OSBPL1A: variants seen among roughly 807,000 people sequenced by gnomAD.
OSBPL1A encodes the protein oxysterol-binding protein-related protein 1.
Under a neutral mutation model 137.1 loss-of-function variants are expected in OSBPL1A, and 80 were observed. The observed-to-expected ratio is 0.58, with a 90% CI of 0.49 to 0.70. OSBPL1A has a LOEUF of 0.70. OSBPL1A is among the 30% of genes least tolerant of loss of function. The pLI, the probability that OSBPL1A is intolerant of heterozygous loss-of-function variation, is 0.00. For missense variants in OSBPL1A, 970 were observed against 1,129.4 expected, an observed-to-expected ratio of 0.86 and a Z score of 2.02; for synonymous variants, 365 against 389.7, an observed-to-expected ratio of 0.94 and a Z score of 0.75.
intron 14 of OSBPL1A, among the ~76,000 whole-genome samples, chr18:24,284,536 TG>T (rs1203597230): frequency 6.6e-6 from 1 of 152,196 alleles, no homozygotes; most frequent in Non-Finnish European, 1.5e-5. Flanking sequence ...AATTTTTAAT[TG>T]GGTAAGTTTT....
chr18:24,397,569 A>T (rs1907846363), intron 1 of OSBPL1A, 86 bp downstream of exon 1: 1 of 152,238 alleles, frequency 6.6e-6, no homozygotes, highest in Non-Finnish European at 1.5e-5. Context: ...AGGCGCGGAC[A>T]GACCTCCCGA....
intron 17 of OSBPL1A, among the ~76,000 whole-genome samples, chr18:24,198,646 C>T (rs138873979): frequency 1.1e-4 from 16 of 152,070 alleles, no homozygotes; most frequent in East Asian, 7.7e-4. Flanking sequence ...AGAGAAACAC[C>T]GGCCCACGAG....
At chr18:24,328,859 TTA>T (rs1282306445) in intron 7 of OSBPL1A, among the ~76,000 whole-genome samples, 5 of 152,184 alleles carry the variant, frequency 3.3e-5, no homozygotes, top group African/African-American at 1.2e-4. Context: ...TGTTTACCGA[TTA>T]TATGTTGAAA....
intron 17 of OSBPL1A, among the ~76,000 whole-genome samples, chr18:24,203,603 T>C (rs1010076918): frequency 3.3e-5 from 5 of 152,112 alleles, no homozygotes; most frequent in Non-Finnish European, 7.4e-5. Flanking sequence ...ATGTAGTCTT[T>C]CCCCGCTTTG....
At chr18:24,225,860 T>A (rs1003419007) in intron 16 of OSBPL1A, among the ~76,000 whole-genome samples, 4 of 151,996 alleles carry the variant, frequency 2.6e-5, no homozygotes, top group Non-Finnish European at 5.9e-5. Context: ...TAGTCCCAGC[T>A]ACTGGGGAGG....
intron 23 of OSBPL1A, among the ~76,000 whole-genome samples, 197 bp downstream of exon 23, chr18:24,171,212 T>A (rs1272561489): frequency 6.6e-6 from 1 of 151,848 alleles, no homozygotes; most frequent in Non-Finnish European, 1.5e-5. Flanking sequence ...TTTTTTGTAT[T>A]TTTAGTAGAG....
intron 20 of OSBPL1A, 43 bp from the exon 21 acceptor site, chr18:24,178,238 T>C (rs1387739659): frequency 2.1e-6 from 3 of 1,446,964 alleles, no homozygotes; most frequent in African/African-American, 1.5e-5. Flanking sequence ...AAAAGCAACA[T>C]TATAATTAAC....
chr18:24,250,170 G>GTTTTTTT, intron 15 of OSBPL1A, among the ~76,000 whole-genome samples: 1 of 51,158 alleles, frequency 2.0e-5, no homozygotes, highest in Non-Finnish European at 4.3e-5. Context: ...TTGTTTGTTT[G>GTTTTTTT]TTTGTTTGTT....
chr18:24,234,851 C>T (rs771156975), intron 16 of OSBPL1A, among the ~76,000 whole-genome samples: 32 of 151,690 alleles, frequency 2.1e-4, no homozygotes, highest in Non-Finnish European at 3.4e-4. Context: ...TTTCATCTAT[C>T]GTCATGATTT....
rs2145903699 is a variant in OSBPL1A, at chr18:24,166,755, T to C, written c.2536-53A>G. 5 of 1,540,900 alleles carry C rather than the reference T, an allele frequency of 3.2e-6. No homozygotes were observed. In the East Asian group the frequency reaches 1.1e-4, roughly 35 times the overall value. Reference sequence around the variant, plus strand: ...AAATATGCCAAGGCATAATGCAAAATGAAACATCCTGAAAGTAGAAGAGGG... The same window carrying C: ...AAATATGCCAAGGCATAATGCAAAACGAAACATCCTGAAAGTAGAAGAGGG... On this transcript the variant is annotated intron_variant, in intron 25 of 27. Coordinates refer to ENST00000319481, the MANE Select transcript of OSBPL1A (RefSeq NM_080597.4).
chr18:24,314,153 A>G (rs1257981443), intron 12 of OSBPL1A, 96 bp downstream of exon 12: 5 of 709,896 alleles, frequency 7.0e-6, no homozygotes, highest in Non-Finnish European at 1.1e-5. Flanking sequence ...TACAATCAAC[A>G]AGATGTTGGA....
chr18:24,318,946 A>C (rs927911444), intron 7 of OSBPL1A, 137 bp from the exon 8 acceptor site: 3 of 738,430 alleles, frequency 4.1e-6, no homozygotes, highest in Non-Finnish European at 6.8e-6. Flanking sequence ...ATTACCTACC[A>C]GAGAGAGGTT....
In OSBPL1A at chr18:24,164,220, G is replaced by A. The variant is rs144677117; in HGVS notation, c.2750+845C>T. On this transcript the variant is annotated intron_variant, in intron 27 of 27. Transcript: ENST00000319481. ...CTGAAGACATACAAATAGGCAACAG[G>A]ATACGAGAAAATGTTCAACATCACT... 1.6e-3 allele frequency among the ~76,000 whole-genome samples: 245 copies of A among 152,142 alleles called. 3 individuals are homozygous for A. Among genetic ancestry groups the A allele is most frequent in the Middle Eastern group, 3.4e-3 (1 of 294 alleles).
chr18:24,370,231 C>T (rs1470852249), intron 2 of OSBPL1A, among the ~76,000 whole-genome samples: 2 of 152,132 alleles, frequency 1.3e-5, no homozygotes, highest in African/African-American at 4.8e-5. Flanking sequence ...AAAACAACAA[C>T]AAAAAACCCA....
At chr18:24,188,116 T>C (rs1002950463) in intron 18 of OSBPL1A, among the ~76,000 whole-genome samples, 5 of 152,358 alleles carry the variant, frequency 3.3e-5, no homozygotes, top group African/African-American at 1.2e-4. Flanking sequence ...CACATACTCA[T>C]TGAGGAAGGA....
intron 16 of OSBPL1A, among the ~76,000 whole-genome samples, chr18:24,230,888 T>G (rs143482554): frequency 1.3e-5 from 2 of 152,154 alleles, no homozygotes; most frequent in African/African-American, 2.4e-5. Flanking sequence ...AAGCACTTAT[T>G]TGTGGGTGTG....
chr18:24,169,341 G>A (rs1245014887), intron 24 of OSBPL1A, among the ~76,000 whole-genome samples: 1 of 152,150 alleles, frequency 6.6e-6, no homozygotes, highest in Non-Finnish European at 1.5e-5. Context: ...CATAAGAAAC[G>A]CTAAAGAGCC....
Position 24,280,943 on chromosome 18 carries a change from G to A in OSBPL1A, c.1180C>T (p.Leu394Phe). The A allele has an allele frequency of 6.3e-7, 1 of 1,586,962 alleles. No individual in the cohort carries two copies. The highest frequency in any genetic ancestry group is 8.6e-7 in the Non-Finnish European group (1 of 1,168,472). ...TCAACTTTCTGAAGAAATGATGGAA[G>A]CATTTCTATAAAGAAAAAAATAAAT... Reference protein sequence around the residue: ...IKECDMAKEMLPSFLQKVEVV... With the variant: ...IKECDMAKEMFPSFLQKVEVV... Residue 394 changes from leucine to phenylalanine, a missense_variant, in exon 15 of 28, where the codon CTT becomes TTT. Physicochemically the swap from Leu to Phe is conservative, Grantham distance 22. Coordinates refer to ENST00000319481, the MANE Select transcript of OSBPL1A (RefSeq NM_080597.4).
At chr18:24,354,444 C>A (rs1038027647) in intron 4 of OSBPL1A, among the ~76,000 whole-genome samples, 1 of 152,124 alleles carries the variant, frequency 6.6e-6, no homozygotes, top group African/African-American at 2.4e-5. Flanking sequence ...TCCAGTGAAT[C>A]AGCCTGTGCC....
Sources: gnomAD v4.1 joint callset for allele counts (sites outside exome capture counted in the v4.1 genomes callset) on GRCh38, gnomAD v4.1.1 for gene constraint, MANE v1.5 for transcripts, NCBI Gene and HGNC (gene_info 2026-07-23, HGNC 2026-07-21) for gene names.